Variants in GALNTL6 observed in about 807,000 individuals in gnomAD.
The protein encoded by GALNTL6 is polypeptide N-acetylgalactosaminyltransferase like 6, also known as polypeptide N-acetylgalactosaminyltransferase-like 6.
In GALNTL6, 46 loss-of-function variants were observed where a neutral mutation model predicts 73.7. That is an observed-to-expected ratio of 0.62 (90% CI 0.49 to 0.80). The LOEUF (loss-of-function observed/expected upper bound fraction) is 0.80, where lower values mean the gene tolerates loss of function less well. Among genes scored for constraint, GALNTL6 ranks in the 30% least tolerant of loss-of-function variants. The pLI is 0.00. For missense variants in GALNTL6, 604 were observed against 755.0 expected (o/e 0.80, Z 2.34); for synonymous variants, 259 against 263.7 (o/e 0.98, Z 0.17).
chr4:172,274,429 A>G (rs1215731821), intron 3 of GALNTL6, among the ~76,000 whole-genome samples: 3 of 152,226 alleles, frequency 2.0e-5, no homozygotes, highest in Admixed American at 2.0e-4. Flanking sequence ...CCCACAGCAA[A>G]CATATAGAAT....
At chr4:172,636,279 A>G (rs80244423) in intron 5 of GALNTL6, among the ~76,000 whole-genome samples, 1,984 of 152,332 alleles carry the variant, frequency 0.013, 23 homozygotes, top group South Asian at 0.051. Flanking sequence ...ATAACTGCAT[A>G]CCACTTTATA....
chr4:172,244,909 A>G (rs1737569674), intron 3 of GALNTL6, among the ~76,000 whole-genome samples: 1 of 152,128 alleles, frequency 6.6e-6, no homozygotes. Context: ...TTCATGTGTT[A>G]GTAGTTGTGA....
At chr4:172,742,561 A>T (rs2332549) in intron 5 of GALNTL6, among the ~76,000 whole-genome samples, 1 of 151,596 alleles carries the variant, frequency 6.6e-6, no homozygotes, top group Non-Finnish European at 1.5e-5. Flanking sequence ...ACAAAGTTAC[A>T]GGGATAGGTA....
intron 4 of GALNTL6, among the ~76,000 whole-genome samples, chr4:172,338,889 G>A (rs1040555194): frequency 3.9e-5 from 6 of 152,152 alleles, no homozygotes. Flanking sequence ...CTCTGCCCAG[G>A]GAGGGAGGGC....
At chr4:172,657,310 T>C (rs981858628) in intron 5 of GALNTL6, among the ~76,000 whole-genome samples, 6 of 152,192 alleles carry the variant, frequency 3.9e-5, no homozygotes, top group Non-Finnish European at 7.3e-5. Flanking sequence ...TGGTGGGTTT[T>C]GTTTGTGGCT....
At chr4:172,937,353 T>G (rs145690042) in intron 9 of GALNTL6, among the ~76,000 whole-genome samples, 74 of 152,026 alleles carry the variant, frequency 4.9e-4, no homozygotes, top group African/African-American at 1.5e-3. Context: ...GGGGCTCACA[T>G]GTGACTATGA....
rs989225716 is a variant in GALNTL6 at position 172,047,071 on chromosome 4, G to T, written c.139-182585G>T. On this transcript the variant is annotated intron_variant, in intron 2 of 12. Coordinates refer to ENST00000506823, the MANE Select transcript of GALNTL6 (RefSeq NM_001034845.3). ...ATTCTTATGAAATAAAGGAGAAAAT[G>T]ATTGGTTATTGAAACAAACTAACCT... 2.6e-5 allele frequency among the ~76,000 whole-genome samples: 4 copies of T among 152,110 alleles called. No individual in the cohort carries two copies. The East Asian group carries it at 7.7e-4, about 29-fold the overall frequency.
At chr4:172,672,546 C>T (rs915156647) in intron 5 of GALNTL6, among the ~76,000 whole-genome samples, 2 of 152,292 alleles carry the variant, frequency 1.3e-5, no homozygotes, top group East Asian at 1.9e-4. Context: ...AGTTAAGAGG[C>T]GTTCCTCCTC....
At chr4:172,609,152 G>A (rs1370160059) in intron 5 of GALNTL6, among the ~76,000 whole-genome samples, 1 of 151,974 alleles carries the variant, frequency 6.6e-6, no homozygotes, top group Non-Finnish European at 1.5e-5. Flanking sequence ...TGATTGCTCG[G>A]GCTAGAATTT....
intron 10 of GALNTL6, among the ~76,000 whole-genome samples, chr4:173,002,858 A>G (rs1382221717): frequency 1.3e-5 from 2 of 152,076 alleles, no homozygotes; most frequent in Non-Finnish European, 2.9e-5. Context: ...ACATGCTACA[A>G]TGTTAAGTTA....
intron 2 of GALNTL6, among the ~76,000 whole-genome samples, chr4:171,823,512 T>A (rs1292354930): frequency 6.6e-6 from 1 of 151,722 alleles, no homozygotes; most frequent in Admixed American, 6.6e-5. Flanking sequence ...TCTTACTACT[T>A]TAGAGAGGTA....
chr4:172,394,911 C>T (rs73872040), intron 5 of GALNTL6, among the ~76,000 whole-genome samples: 1 of 152,262 alleles, frequency 6.6e-6, no homozygotes, highest in African/African-American at 2.4e-5. Flanking sequence ...ACAGAAATTG[C>T]AGCAATTACT....
chr4:172,149,435 C>T (rs1338553039), intron 2 of GALNTL6, among the ~76,000 whole-genome samples: 1 of 152,030 alleles, frequency 6.6e-6, no homozygotes, highest in Non-Finnish European at 1.5e-5. Context: ...CATATCTTCT[C>T]TCTCTCTCTC....
chr4:172,158,998 A>G (rs541564907), intron 2 of GALNTL6, among the ~76,000 whole-genome samples: 1 of 152,304 alleles, frequency 6.6e-6, no homozygotes, highest in East Asian at 1.9e-4. Flanking sequence ...TTAAAACCCA[A>G]TTTAGGTTAG....
intron 5 of GALNTL6, among the ~76,000 whole-genome samples, chr4:172,531,503 T>C (rs560552637): frequency 2.6e-5 from 4 of 152,286 alleles, no homozygotes; most frequent in Admixed American, 2.0e-4. Flanking sequence ...GCTGCTGGAT[T>C]GATTCACTGG....
chr4:172,545,168 G>A (rs1486185208), intron 5 of GALNTL6, among the ~76,000 whole-genome samples: 1 of 152,024 alleles, frequency 6.6e-6, no homozygotes, highest in African/African-American at 2.4e-5. Context: ...GTATTTAATG[G>A]ACAACACAGA....
At chr4:172,528,801 G>A (rs1376473446) in intron 5 of GALNTL6, among the ~76,000 whole-genome samples, 1 of 149,924 alleles carries the variant, frequency 6.7e-6, no homozygotes, top group African/African-American at 2.4e-5. Flanking sequence ...TCATCATAAG[G>A]ATTAGTATAA....
At position 172,041,645 on chromosome 4, in the gene GALNTL6, C is replaced by T. The variant is rs1283844570; in HGVS notation, c.139-188011C>T. On this transcript the variant is annotated intron_variant, in intron 2 of 12. Transcript: ENST00000506823. Reference sequence around the variant, plus strand: ...ATAATTGCCTACATTAGAACTATTTCATTAAATAAACACATTGATTACTTA... The same window carrying T: ...ATAATTGCCTACATTAGAACTATTTTATTAAATAAACACATTGATTACTTA... Among the ~76,000 whole-genome samples, 5 of 151,910 alleles carry T rather than the reference C, an allele frequency of 3.3e-5. No individual in the cohort carries two copies. The South Asian group carries it at 8.3e-4, about 25-fold the overall frequency.
chr4:172,283,675 A>G lies in GALNTL6; in HGVS notation c.248-27939A>G, dbSNP rs554283457. Among the ~76,000 whole-genome samples, 137 of 152,248 alleles carry G rather than the reference A, an allele frequency of 9.0e-4. 1 individual carries two copies. The highest frequency in any genetic ancestry group is 1.7e-3 in the Non-Finnish European group (113 of 67,964). The stretch of plus-strand genomic sequence containing the variant: ...GGCAGATCAATTTAATGCTAATAAT[A>G]ATTAATATTAAAAAGAGGACAGACT... On this transcript the variant is annotated intron_variant, in intron 3 of 12. Coordinates refer to ENST00000506823, the MANE Select transcript of GALNTL6 (RefSeq NM_001034845.3).
Sources: gnomAD v4.1 joint callset for allele counts (sites outside exome capture counted in the v4.1 genomes callset) on GRCh38, gnomAD v4.1.1 for gene constraint, MANE v1.5 for transcripts, NCBI Gene and HGNC (gene_info 2026-07-23, HGNC 2026-07-21) for gene names.